The following PLXNA4 variants were observed in gnomAD, a reference collection of about 807,000 sequenced individuals.
PLXNA4 encodes plexin-A4.
In PLXNA4, 44 loss-of-function variants were observed where a neutral mutation model predicts 191.8. The observed-to-expected ratio is 0.23, with a 90% CI of 0.18 to 0.29. PLXNA4 has a LOEUF of 0.29. PLXNA4 is among the 10% of genes least tolerant of loss of function. The pLI is 1.00. For missense variants in PLXNA4, 1,800 were observed against 2,488.8 expected, an observed-to-expected ratio of 0.72 and a Z score of 5.89; for synonymous variants, 1,082 against 1,009.5, an observed-to-expected ratio of 1.07 and a Z score of -1.36.
At chr7:132,428,769 G>T (rs537130455) in intron 3 of PLXNA4, among the ~76,000 whole-genome samples, 1 of 152,154 alleles carries the variant, frequency 6.6e-6, no homozygotes, top group East Asian at 1.9e-4. Flanking sequence ...GTCTGCAATT[G>T]TTTCCAATCA....
chr7:132,386,646 CATACCCCCGGT>C (rs1023242856), intron 3 of PLXNA4, among the ~76,000 whole-genome samples: 8 of 152,186 alleles, frequency 5.3e-5, no homozygotes, highest in Non-Finnish European at 8.8e-5. Context: ...CCTTTCCTGG[CATACCCCCGGT>C]ACGTTAAACC....
At chr7:132,506,059 C>T (rs1287414911) in intron 2 of PLXNA4, among the ~76,000 whole-genome samples, 1 of 152,118 alleles carries the variant, frequency 6.6e-6, no homozygotes, top group East Asian at 1.9e-4. Flanking sequence ...TTTGTGACAT[C>T]AGGGAACTCC....
At chr7:132,617,427 G>A (rs1803178716) in intron 2 of PLXNA4, among the ~76,000 whole-genome samples, 1 of 152,192 alleles carries the variant, frequency 6.6e-6, no homozygotes, top group African/African-American at 2.4e-5. Flanking sequence ...GGGCTACAGA[G>A]CTTCAAGCCA....
intron 1 of PLXNA4, among the ~76,000 whole-genome samples, chr7:132,560,921 G>A (rs1237233896): frequency 6.6e-6 from 1 of 152,052 alleles, no homozygotes; most frequent in African/African-American, 2.4e-5. Context: ...CCCCGGCTCA[G>A]GATGCTTTGA....
At chr7:132,139,352 G>T (rs1317426741) in intron 30 of PLXNA4, among the ~76,000 whole-genome samples, 1 of 152,172 alleles carries the variant, frequency 6.6e-6, no homozygotes, top group Non-Finnish European at 1.5e-5. Flanking sequence ...GACAGAGGCT[G>T]TCTCTATCAT....
intron 3 of PLXNA4, among the ~76,000 whole-genome samples, chr7:132,313,462 AG>A (rs1801825455): frequency 6.6e-6 from 1 of 152,162 alleles, no homozygotes; most frequent in Non-Finnish European, 1.5e-5. Flanking sequence ...CAGTTGGAAT[AG>A]AGGGTAAGGA....
intron 2 of PLXNA4, among the ~76,000 whole-genome samples, chr7:132,498,423 A>G (rs183257329): frequency 9.8e-4 from 149 of 152,246 alleles, no homozygotes; most frequent in African/African-American, 3.1e-3. Flanking sequence ...AGCAGGCAAA[A>G]AGAGAGAGTG....
chr7:132,374,037 C>G (rs1399513214), intron 3 of PLXNA4, among the ~76,000 whole-genome samples: 2 of 152,228 alleles, frequency 1.3e-5, no homozygotes, highest in African/African-American at 4.8e-5. Flanking sequence ...TCCAGCAACA[C>G]ACAAGTTGCT....
intron 3 of PLXNA4, among the ~76,000 whole-genome samples, chr7:132,382,041 C>G (rs1189016327): frequency 1.3e-5 from 2 of 152,198 alleles, no homozygotes; most frequent in African/African-American, 4.8e-5. Flanking sequence ...ACAGAAAAAG[C>G]CACAGGGCAT....
intron 3 of PLXNA4, among the ~76,000 whole-genome samples, chr7:132,386,008 AT>A (rs1364534629): frequency 6.6e-6 from 1 of 152,158 alleles, no homozygotes; most frequent in Non-Finnish European, 1.5e-5. Flanking sequence ...TTTCTCTGTG[AT>A]TTTTAAACTT....
At chr7:132,618,126 G>A (rs1803191162) in intron 2 of PLXNA4, among the ~76,000 whole-genome samples, 1 of 152,214 alleles carries the variant, frequency 6.6e-6, no homozygotes, top group South Asian at 2.1e-4. Context: ...TCAGCTGCAA[G>A]GGAGCCTGGG....
At chr7:132,645,559 A>G (rs2116896193) in intron 2 of PLXNA4, among the ~76,000 whole-genome samples, 1 of 152,336 alleles carries the variant, frequency 6.6e-6, no homozygotes, top group South Asian at 2.1e-4. Context: ...AAAATGGACT[A>G]ATATACAGTT....
At chr7:132,437,375 C>T (rs1304631989) in intron 3 of PLXNA4, among the ~76,000 whole-genome samples, 2 of 152,144 alleles carry the variant, frequency 1.3e-5, no homozygotes, top group Non-Finnish European at 2.9e-5. Context: ...AGAAATCTAG[C>T]AAGGAGGGAT....
intron 29 of PLXNA4, among the ~76,000 whole-genome samples, chr7:132,142,418 A>AACTT (rs917262707): frequency 9.8e-5 from 15 of 152,316 alleles, no homozygotes; most frequent in Admixed American, 8.5e-4. Context: ...TGCTCGTTAG[A>AACTT]ACTTAAATTC....
intron 4 of PLXNA4, among the ~76,000 whole-genome samples, chr7:132,296,265 T>G (rs932032841): frequency 6.6e-5 from 10 of 152,098 alleles, no homozygotes; most frequent in African/African-American, 2.4e-4. Flanking sequence ...CAAGCCTGAA[T>G]GGACAGTGAC....
At chr7:132,162,366 T>C (rs887283789) in intron 24 of PLXNA4, among the ~76,000 whole-genome samples, 8 of 152,246 alleles carry the variant, frequency 5.3e-5, no homozygotes, top group African/African-American at 1.7e-4. Context: ...AAATGGATAC[T>C]GGTCCCTGAA....
At chr7:132,381,177 G>T (rs1443738385) in intron 3 of PLXNA4, among the ~76,000 whole-genome samples, 1 of 152,204 alleles carries the variant, frequency 6.6e-6, no homozygotes, top group East Asian at 1.9e-4. Flanking sequence ...GGTTGGTTTG[G>T]TTGTATCCTT....
intron 2 of PLXNA4, among the ~76,000 whole-genome samples, chr7:132,497,915 C>A (rs156950): frequency 6.6e-6 from 1 of 152,124 alleles, no homozygotes; most frequent in Non-Finnish European, 1.5e-5. Context: ...GAATGTGTAA[C>A]AGAAAGAGGG....
At chr7:132,262,373 C>G (rs1171094052) in intron 4 of PLXNA4, among the ~76,000 whole-genome samples, 1 of 152,150 alleles carries the variant, frequency 6.6e-6, no homozygotes. Flanking sequence ...GCTGATGGAT[C>G]GGAGCCCAGA....
Sources: allele counts gnomAD v4.1 joint callset (sites outside exome capture counted in the v4.1 genomes callset), GRCh38; gene constraint gnomAD v4.1.1; transcripts MANE v1.5; gene names NCBI Gene and HGNC (gene_info 2026-07-23, HGNC 2026-07-21).